The following TNNI1 variants were observed in gnomAD, a reference collection of about 807,000 sequenced individuals.
TNNI1 encodes the protein troponin I, slow skeletal muscle.
In TNNI1, 14 loss-of-function variants were observed where a neutral mutation model predicts 26.7. The ratio of observed to expected loss-of-function variants is 0.52; its 90% CI spans 0.35 to 0.82. The LOEUF is 0.82. Among genes scored for constraint, TNNI1 ranks in the 40% least tolerant of loss-of-function variants. The pLI is 0.01. For synonymous variants in TNNI1, 79 were observed against 98.2 expected, an observed-to-expected ratio of 0.80 and a Z score of 1.16; for missense variants, 164 against 257.0, an observed-to-expected ratio of 0.64 and a Z score of 2.47.
rs1053403236 is a variant in TNNI1, at chr1:201,405,518, AC to A, written c.*3734del. ...TGGTCACCCACCTGGAACGAAGCTA[AC>A]CCCCCCGCCCCCGGCTGCCCAGCCC... is the stretch of plus-strand genomic sequence containing the variant. On this transcript the variant is annotated 3_prime_UTR_variant, in exon 9 of 9. Transcript: ENST00000361379. 2.2e-4 allele frequency: 34 copies of A among 152,568 alleles called. No homozygotes were observed. The highest frequency in any genetic ancestry group is 7.0e-4 in the African/African-American group (29 of 41,430). The allele number at this position is 152,568 out of a possible 1,614,324, so 9.5% of individuals were successfully genotyped here.
chr1:201,416,133 A>G (rs956426461), intron 3 of TNNI1, among the ~76,000 whole-genome samples: 7 of 152,186 alleles, frequency 4.6e-5, no homozygotes, highest in South Asian at 2.1e-4. Flanking sequence ...ATGAGAGACA[A>G]TGGATGAGTT....
At chr1:201,418,826 C>T (rs1571739485) in intron 1 of TNNI1, among the ~76,000 whole-genome samples, 1 of 152,032 alleles carries the variant, frequency 6.6e-6, no homozygotes, top group Non-Finnish European at 1.5e-5. Flanking sequence ...AGTGAGTTTC[C>T]TCTTGATGTT....
At chr1:201,416,341 C>T (rs148890102) in intron 3 of TNNI1, among the ~76,000 whole-genome samples, 38 of 152,358 alleles carry the variant, frequency 2.5e-4, no homozygotes, top group African/African-American at 8.7e-4. Flanking sequence ...TATTTCCCCA[C>T]CACTTGGTGA....
In TNNI1 at chr1:201,408,310, A is replaced by G. The variant is rs1262295; in HGVS notation, c.*943T>C. 120,542 of 152,450 alleles carry G rather than the reference A, an allele frequency of 0.79. 48,343 individuals are homozygous for G. The highest frequency in any genetic ancestry group is 0.87 in the Non-Finnish European group (59,199 of 68,304). 9.4% of individuals were successfully genotyped at this position (152,450 alleles called of 1,614,324 possible). On this transcript the variant is annotated 3_prime_UTR_variant, in exon 9 of 9. Coordinates refer to ENST00000361379, the MANE Select transcript of TNNI1 (RefSeq NM_003281.4). ...AGTGCAGGAGTGTGAAGGGGAAACA[A>G]TTGGGAGGAGGGTGGGTGAACGTGG...
At position 201,417,807 on chromosome 1, in the gene TNNI1, C is replaced by T. The variant is rs371696393; in HGVS notation, c.-14G>A. On this transcript the variant is annotated 5_prime_UTR_variant, in exon 2 of 9. Transcript: ENST00000361379. ...CACTTCCGGCATGGTGGCAGTGAGA[C>T]AGCACCTAGGGGGCACAGAGGAATC... The T allele has an allele frequency of 6.2e-5, 82 of 1,313,428 alleles. No homozygotes were observed. The African/African-American group carries it at 6.8e-4, about 11-fold the overall frequency. The allele number at this position is 1,313,428 out of a possible 1,614,324, so 81.4% of individuals were successfully genotyped here.
At chr1:201,410,162 A>G (rs1662605991) in intron 8 of TNNI1, 164 bp downstream of exon 8, 2 of 606,436 alleles carry the variant, frequency 3.3e-6, no homozygotes, top group African/African-American at 3.7e-5. Flanking sequence ...ATGGTGCTGG[A>G]GCCAGGACTG....
At chr1:201,420,069 G>A (rs995751495) in intron 1 of TNNI1, among the ~76,000 whole-genome samples, 2 of 152,344 alleles carry the variant, frequency 1.3e-5, no homozygotes, top group Non-Finnish European at 1.5e-5. Context: ...CTGTCTCCCT[G>A]GGATGTGCCT....
chr1:201,413,080 A>T lies in TNNI1; in HGVS notation c.231T>A (p.Asp77Glu), dbSNP rs1324527259. ...RELHAKVEVVDEERYDIEAKC... is the reference protein window; with the variant it reads ...RELHAKVEVVEEERYDIEAKC... Reference sequence around the variant, plus strand: ...TGGCCTCAATGTCGTATCGCTCCTCATCCACCACCTCCACCTTGGCGTGCA... The same window carrying T: ...TGGCCTCAATGTCGTATCGCTCCTCTTCCACCACCTCCACCTTGGCGTGCA... The change falls in exon 6 of 9, where the codon GAT becomes GAA. Residue 77 changes from aspartate to glutamate, a missense_variant. Asp to Glu is a conservative substitution (Grantham distance 45). Around this residue, in one of 3 missense-constraint regions of TNNI1, gnomAD observed 117 missense variants for 158.7 expected, o/e 0.74. Transcript: ENST00000361379. The T allele has an allele frequency of 9.3e-6, 15 of 1,613,876 alleles. No homozygotes were observed. The highest frequency in any genetic ancestry group is 1.1e-5 in the Non-Finnish European group (13 of 1,179,948).
At chr1:201,413,991 C>T (rs1164188575) in intron 5 of TNNI1, among the ~76,000 whole-genome samples, 1 of 151,998 alleles carries the variant, frequency 6.6e-6, no homozygotes, top group Non-Finnish European at 1.5e-5. Flanking sequence ...AAAAGTAATG[C>T]GTTAATTTTA....
At chr1:201,418,712 T>A (rs1662799133) in intron 1 of TNNI1, among the ~76,000 whole-genome samples, 1 of 152,122 alleles carries the variant, frequency 6.6e-6, no homozygotes, top group African/African-American at 2.4e-5. Flanking sequence ...AGGCCTTGAG[T>A]GGGAGAGAAT....
chr1:201,415,087 C>T, intron 4 of TNNI1, 126 bp downstream of exon 4: 1 of 867,274 alleles, frequency 1.2e-6, no homozygotes, highest in Non-Finnish European at 1.9e-6. Context: ...ACTCCTGCCC[C>T]TCATCATCCT....
chr1:201,409,071 C>T lies in TNNI1; in HGVS notation c.*182G>A, dbSNP rs534320998. The T allele has an allele frequency of 3.3e-5, 5 of 152,240 alleles. No homozygotes were observed. Among genetic ancestry groups the T allele is most frequent in the South Asian group, 2.1e-4 (1 of 4,816 alleles). 9.4% of individuals were successfully genotyped at this position (152,240 alleles called of 1,614,324 possible). On this transcript the variant is annotated 3_prime_UTR_variant, in exon 9 of 9. Transcript: ENST00000361379. ...CCAGGGTGAGGTCTTCAGACACTCG[C>T]GTTTTTCCTGCCTCTTGGGTATCTG... is the stretch of plus-strand genomic sequence containing the variant.
At chr1:201,417,904 T>A in intron 1 of TNNI1, 92 bp from the exon 2 acceptor site, 1 of 962,574 alleles carries the variant, frequency 1.0e-6, no homozygotes, top group Non-Finnish European at 1.4e-6. Context: ...GGAGACAGAG[T>A]CAGAACACAA....
chr1:201,415,974 T>TA (rs905280637), intron 3 of TNNI1, among the ~76,000 whole-genome samples: 3 of 152,008 alleles, frequency 2.0e-5, no homozygotes, highest in African/African-American at 7.3e-5. Context: ...AGCACTAGAG[T>TA]ATCTTCTGGG....
chr1:201,416,997 C>G (rs1662754072), intron 3 of TNNI1, 119 bp downstream of exon 3: 6 of 1,223,794 alleles, frequency 4.9e-6, no homozygotes, highest in Non-Finnish European at 7.3e-6. Context: ...CCTACACCCC[C>G]TGGACTCCCA....
Position 201,405,649 on chromosome 1 carries a change from G to T in TNNI1, c.*3604C>A, listed in dbSNP as rs542991145. 2.0e-5 allele frequency: 3 copies of T among 152,688 alleles called. No homozygotes were observed. Among genetic ancestry groups the T allele is most frequent in the Non-Finnish European group, 4.4e-5 (3 of 68,096 alleles). The allele number at this position is 152,688 out of a possible 1,614,324, so 9.5% of individuals were successfully genotyped here. On this transcript the variant is annotated 3_prime_UTR_variant, in exon 9 of 9. Transcript: ENST00000361379. ...CACTTTAGCCCCAGCAGCCCTTAGC[G>T]CTGGGCCCTGCCCTGATCATGCCTG... is the stretch of plus-strand genomic sequence containing the variant.
chr1:201,418,729 C>T (rs1337613684), intron 1 of TNNI1, among the ~76,000 whole-genome samples: 3 of 152,212 alleles, frequency 2.0e-5, no homozygotes, highest in African/African-American at 7.2e-5. Flanking sequence ...GAATAAGCCG[C>T]AAGGCAGGGC....
At chr1:201,416,522 TC>T (rs1262540099) in intron 3 of TNNI1, among the ~76,000 whole-genome samples, 1 of 152,198 alleles carries the variant, frequency 6.6e-6, no homozygotes, top group Non-Finnish European at 1.5e-5. Flanking sequence ...ACTGTTTCCA[TC>T]CCTGGGCCCA....
chr1:201,414,554 C>A lies in TNNI1; in HGVS notation c.153G>T (p.Thr51=), dbSNP rs144110863. Residue 51 remains threonine, a synonymous_variant, in exon 5 of 9, where the codon ACG becomes ACT. Transcript: ENST00000361379. ...TGAGGGACAGGCCACGGGTCTGCAG[C>A]GTGGGGATGCGCTCTGCCAGGTAGC... is the stretch of plus-strand genomic sequence containing the variant. ...KVRYLAERIP[T]LQTRGLSLSA... The A allele has an allele frequency of 6.2e-7, 1 of 1,612,518 alleles. No homozygotes were observed. The highest frequency in any genetic ancestry group is 2.2e-5 in the East Asian group (1 of 44,894).
Sources: gnomAD v4.1 joint callset for allele counts (sites outside exome capture counted in the v4.1 genomes callset) on GRCh38, gnomAD v4.1.1 for gene constraint, gnomAD v4.1.1 regional missense constraint, MANE v1.5 for transcripts, NCBI Gene and HGNC (gene_info 2026-07-23, HGNC 2026-07-21) for gene names.